ATRNL1: variants seen among roughly 807,000 people sequenced by gnomAD.
The protein encoded by ATRNL1 is attractin-like protein 1.
In ATRNL1, 95 loss-of-function variants were observed where a neutral mutation model predicts 182.7. That is an observed-to-expected ratio of 0.52 (90% CI 0.44 to 0.62). ATRNL1 has a LOEUF of 0.62. Among genes scored for constraint, ATRNL1 ranks in the 20% least tolerant of loss-of-function variants. The probability of loss-of-function intolerance (pLI) is 0.00; values close to 1 mark genes in which losing one functional copy is unlikely to be tolerated. For synonymous variants in ATRNL1, 576 were observed against 568.3 expected (o/e 1.01, Z -0.19); for missense variants, 1,471 against 1,679.5 (o/e 0.88, Z 2.17).
intron 10 of ATRNL1, among the ~76,000 whole-genome samples, chr10:115,256,610 G>A (rs1851150892): frequency 6.6e-6 from 1 of 152,042 alleles, no homozygotes; most frequent in East Asian, 1.9e-4. Flanking sequence ...TTGAGTTTTT[G>A]AAGGGTTATT....
At chr10:115,371,650 A>G (rs2134198717) in intron 19 of ATRNL1, among the ~76,000 whole-genome samples, 1 of 152,248 alleles carries the variant, frequency 6.6e-6, no homozygotes, top group Admixed American at 6.5e-5. Flanking sequence ...GGAAGTAACT[A>G]ACTTACTTTT....
intron 21 of ATRNL1, among the ~76,000 whole-genome samples, chr10:115,442,297 C>CTCTCTCTCTCTCTCTCTCTCTCTT (rs1385253722): frequency 7.5e-6 from 1 of 133,962 alleles, no homozygotes; most frequent in African/African-American, 2.5e-5. Flanking sequence ...CTCTCTCTCT[C>CTCTCTCTCTCTCTCTCTCTCTCTT]TCTCTCTGTG....
intron 21 of ATRNL1, among the ~76,000 whole-genome samples, chr10:115,432,006 A>G (rs543177942): frequency 6.6e-6 from 1 of 152,182 alleles, no homozygotes; most frequent in African/African-American, 2.4e-5. Context: ...TTTTTCTTCT[A>G]TGTCAATGTT....
intron 12 of ATRNL1, 71 bp downstream of exon 12, chr10:115,267,076 CT>C (rs1851639343): frequency 9.4e-6 from 10 of 1,069,446 alleles, no homozygotes; most frequent in Non-Finnish European, 1.4e-5. Context: ...ATATCTTCTG[CT>C]TATAAGAATT....
intron 10 of ATRNL1, among the ~76,000 whole-genome samples, chr10:115,261,465 G>T (rs1592342542): frequency 6.6e-6 from 1 of 152,154 alleles, no homozygotes; most frequent in South Asian, 2.1e-4. Flanking sequence ...AGTAAGTTCA[G>T]ATTGGAGAAG....
chr10:115,243,039 A>G (rs1020817478), intron 10 of ATRNL1, among the ~76,000 whole-genome samples: 5 of 151,786 alleles, frequency 3.3e-5, no homozygotes, highest in Admixed American at 3.3e-4. Flanking sequence ...CCCTGGGCTT[A>G]TTTTTCTGGA....
intron 8 of ATRNL1, among the ~76,000 whole-genome samples, chr10:115,183,075 G>C (rs1050581441): frequency 1.3e-5 from 2 of 151,256 alleles, no homozygotes; most frequent in Non-Finnish European, 3.0e-5. Flanking sequence ...AGTTTCCCAA[G>C]AATGGAAGCA....
intron 24 of ATRNL1, among the ~76,000 whole-genome samples, chr10:115,514,448 T>C (rs960698989): frequency 3.3e-5 from 5 of 149,594 alleles, no homozygotes; most frequent in Non-Finnish European, 7.5e-5. Context: ...CTGGCTACTT[T>C]ATTTATTCAA....
chr10:115,414,364 T>C (rs1432133483), intron 20 of ATRNL1, among the ~76,000 whole-genome samples: 1 of 151,534 alleles, frequency 6.6e-6, no homozygotes, highest in Non-Finnish European at 1.5e-5. Flanking sequence ...CTTTTTTCCC[T>C]CTTCTCTTCT....
intron 26 of ATRNL1, among the ~76,000 whole-genome samples, chr10:115,582,130 A>C (rs1379795280): frequency 1.3e-5 from 2 of 151,856 alleles, no homozygotes; most frequent in Non-Finnish European, 2.9e-5. Flanking sequence ...ACATTTTCTT[A>C]ATCCAGTCTA....
chr10:115,499,141 T>G (rs1554979304), intron 24 of ATRNL1, among the ~76,000 whole-genome samples: 2 of 152,182 alleles, frequency 1.3e-5, no homozygotes, highest in Admixed American at 6.5e-5. Context: ...ATCATTATAA[T>G]TACTAATTTT....
At chr10:115,311,810 G>T (rs1854045112) in intron 17 of ATRNL1, among the ~76,000 whole-genome samples, 1 of 151,854 alleles carries the variant, frequency 6.6e-6, no homozygotes, top group African/African-American at 2.4e-5. Flanking sequence ...ATATATTTTA[G>T]ATTGTAATAT....
At chr10:115,191,522 C>T (rs1053645680) in intron 8 of ATRNL1, among the ~76,000 whole-genome samples, 2 of 151,862 alleles carry the variant, frequency 1.3e-5, no homozygotes, top group African/African-American at 4.8e-5. Flanking sequence ...GGCTTTGTGT[C>T]CCCACCCAAA....
At chr10:115,207,122 T>G (rs1848828818) in intron 8 of ATRNL1, among the ~76,000 whole-genome samples, 1 of 152,214 alleles carries the variant, frequency 6.6e-6, no homozygotes, top group Non-Finnish European at 1.5e-5. Context: ...GAGTCTTTGC[T>G]ATTGTGAATA....
intron 27 of ATRNL1, among the ~76,000 whole-genome samples, chr10:115,795,561 G>A (rs145234178): frequency 4.6e-5 from 7 of 152,262 alleles, no homozygotes; most frequent in Admixed American, 1.3e-4. Flanking sequence ...AAGTTTAATT[G>A]GCTCATGGTT....
intron 26 of ATRNL1, among the ~76,000 whole-genome samples, chr10:115,612,164 A>C (rs572952335): frequency 3.4e-4 from 52 of 152,232 alleles, no homozygotes; most frequent in African/African-American, 1.2e-3. Context: ...AGGCAGGAGA[A>C]TCGCTTGAAC....
At chr10:115,631,064 G>C (rs1046272853) in intron 26 of ATRNL1, among the ~76,000 whole-genome samples, 5 of 151,162 alleles carry the variant, frequency 3.3e-5, no homozygotes, top group Admixed American at 2.0e-4. Flanking sequence ...GGGGTGGGGA[G>C]GGGGGTGTGT....
chr10:115,650,251 T>C (rs1224681658), intron 26 of ATRNL1, among the ~76,000 whole-genome samples: 1 of 152,098 alleles, frequency 6.6e-6, no homozygotes, highest in Non-Finnish European at 1.5e-5. Flanking sequence ...TCCCAATATG[T>C]TCAAAGATGT....
intron 1 of ATRNL1, among the ~76,000 whole-genome samples, chr10:115,107,163 G>A (rs1280421891): frequency 6.6e-5 from 10 of 152,088 alleles, no homozygotes; most frequent in Non-Finnish European, 8.8e-5. Flanking sequence ...CAACTCAAAA[G>A]TCCAAAGTCT....
Sources: gnomAD v4.1 joint callset for allele counts (sites outside exome capture counted in the v4.1 genomes callset) on GRCh38, gnomAD v4.1.1 for gene constraint, MANE v1.5 for transcripts, NCBI Gene and HGNC (gene_info 2026-07-23, HGNC 2026-07-21) for gene names.